PIR: variants seen among roughly 807,000 people sequenced by gnomAD.
The protein encoded by PIR is pirin (iron-binding nuclear protein).
A neutral mutation model predicts 24.2 loss-of-function variants in PIR; 22 were observed. The observed-to-expected ratio is 0.91, with a 90% CI of 0.65 to 1.30. PIR has a LOEUF of 1.30. Among genes scored for constraint, PIR ranks in the 50% most tolerant of loss-of-function variants. The pLI is 0.00. For missense variants in PIR, 220 were observed against 220.3 expected (o/e 1.00, Z 0.01); for synonymous variants, 80 against 79.6 (o/e 1.00, Z -0.03).
intron 3 of PIR, among the ~76,000 whole-genome samples, chrX:15,467,408 T>C (rs1921657780): frequency 8.9e-6 from 1 of 112,523 alleles, no homozygotes; most frequent in Admixed American, 9.4e-5. Context: ...CCATGACAAT[T>C]GCAATAGGAG....
chrX:15,470,600 CTTT>C (rs1185040119), intron 3 of PIR, among the ~76,000 whole-genome samples: 1 of 45,073 alleles, frequency 2.2e-5, no homozygotes. Flanking sequence ...TTCTTTCTTT[CTTT>C]TTTTTTTTTT....
chrX:15,470,298 A>T (rs990620149), intron 3 of PIR, among the ~76,000 whole-genome samples: 4 of 111,837 alleles, frequency 3.6e-5, no homozygotes, highest in Non-Finnish European at 7.5e-5. Flanking sequence ...CTTCTCATAT[A>T]TCAGTAGTTA....
chrX:15,470,254 T>C lies in PIR; in HGVS notation c.189+9475A>G, dbSNP rs1465954118. 3.6e-5 allele frequency among the ~76,000 whole-genome samples: 4 copies of C among 111,599 alleles called. No individual in the cohort carries two copies. In the Admixed American group the frequency reaches 3.8e-4, roughly 11 times the overall value. On this transcript the variant is annotated intron_variant, in intron 3 of 9. Coordinates refer to ENST00000380420, the MANE Select transcript of PIR (RefSeq NM_001018109.3). ...ACAATTTTTACTTTTCAAGATTGTT[T>C]TGAGGCTTACAGGTAACGTATCAAC...
intron 5 of PIR, among the ~76,000 whole-genome samples, chrX:15,434,110 A>G (rs1173541116): frequency 1.1e-5 from 1 of 89,240 alleles, no homozygotes; most frequent in African/African-American, 4.2e-5. Flanking sequence ...GAGGAGAAAG[A>G]AGGAGGAGGA....
At chrX:15,445,167 G>A (rs1004914626) in intron 5 of PIR, among the ~76,000 whole-genome samples, 9 of 111,505 alleles carry the variant, frequency 8.1e-5, no homozygotes, top group African/African-American at 2.9e-4. Context: ...AGAGGCAGGT[G>A]ACTGAAGGCA....
chrX:15,396,804 A>G (rs1006016688), intron 8 of PIR, among the ~76,000 whole-genome samples: 19 of 108,451 alleles, frequency 1.8e-4, no homozygotes, highest in East Asian at 5.8e-4. Flanking sequence ...GCAGTGGCGC[A>G]ATCTCGGCTC....
intron 7 of PIR, among the ~76,000 whole-genome samples, chrX:15,404,193 G>T (rs1170777767): frequency 9.1e-6 from 1 of 110,098 alleles, no homozygotes; most frequent in African/African-American, 3.3e-5. Context: ...GGAGACAGGG[G>T]TTTCACCATG....
chrX:15,394,392 A>C (rs1170253904), intron 8 of PIR, among the ~76,000 whole-genome samples: 1 of 112,163 alleles, frequency 8.9e-6, no homozygotes, highest in African/African-American at 3.2e-5. Flanking sequence ...ATATAGTCAA[A>C]TGTTAATCTT....
chrX:15,464,061 G>A (rs1222178056), intron 3 of PIR, among the ~76,000 whole-genome samples: 1 of 112,299 alleles, frequency 8.9e-6, no homozygotes, highest in Non-Finnish European at 1.9e-5. Flanking sequence ...AGAATACTGT[G>A]CAACCGTTAA....
intron 7 of PIR, among the ~76,000 whole-genome samples, chrX:15,402,685 CCAGCCT>C (rs1924428136): frequency 9.1e-6 from 1 of 110,150 alleles, no homozygotes; most frequent in African/African-American, 3.3e-5. Flanking sequence ...ACTACCATTC[CCAGCCT>C]CATGAACTCA....
At chrX:15,423,512 A>C (rs1925205309) in intron 6 of PIR, among the ~76,000 whole-genome samples, 2 of 111,067 alleles carry the variant, frequency 1.8e-5, no homozygotes, top group African/African-American at 6.6e-5. Context: ...GGTACTTGGA[A>C]AGCTGAGGCA....
At chrX:15,491,490 T>G (rs950493421) in intron 1 of PIR, among the ~76,000 whole-genome samples, 181 bp from the exon 2 acceptor site, 2 of 112,000 alleles carry the variant, frequency 1.8e-5, no homozygotes, top group African/African-American at 6.5e-5. Context: ...TGAACATGTA[T>G]GCATACCTAC....
intron 9 of PIR, among the ~76,000 whole-genome samples, chrX:15,389,408 T>C (rs760096437): frequency 6.2e-5 from 7 of 112,119 alleles, no homozygotes; most frequent in Non-Finnish European, 1.3e-4. Flanking sequence ...TTTAAATTCA[T>C]GAGCAGCTGG....
chrX:15,450,722 G>T (rs1458246245), intron 5 of PIR, among the ~76,000 whole-genome samples: 1 of 111,836 alleles, frequency 8.9e-6, no homozygotes, highest in Admixed American at 9.5e-5. Context: ...TATTCTGATT[G>T]CCCAAAACCC....
intron 2 of PIR, among the ~76,000 whole-genome samples, chrX:15,488,900 A>C (rs894429343): frequency 1.8e-5 from 2 of 110,622 alleles, no homozygotes; most frequent in African/African-American, 6.7e-5. Context: ...AACCTCTACT[A>C]ATTTTTTTGT....
chrX:15,427,148 C>T (rs1472383537), intron 5 of PIR, among the ~76,000 whole-genome samples: 3 of 111,273 alleles, frequency 2.7e-5, no homozygotes, highest in Non-Finnish European at 5.7e-5. Context: ...TCCATTTCTA[C>T]AAAGTTCAAA....
At chrX:15,491,442 G>A (rs1040834165) in intron 1 of PIR, 133 bp from the exon 2 acceptor site, 54 of 369,990 alleles carry the variant, frequency 1.5e-4, no homozygotes, top group Non-Finnish European at 2.2e-4. Flanking sequence ...CTATGTGCAG[G>A]GCCTGGGTTA....
intron 7 of PIR, among the ~76,000 whole-genome samples, chrX:15,398,945 T>C (rs1167431072): frequency 9.0e-6 from 1 of 111,702 alleles, no homozygotes; most frequent in African/African-American, 3.3e-5. Context: ...GAGAAAATTC[T>C]AACATGATTC....
At chrX:15,476,525 T>C (rs1169132549) in intron 3 of PIR, among the ~76,000 whole-genome samples, 1 of 111,279 alleles carries the variant, frequency 9.0e-6, no homozygotes, top group African/African-American at 3.3e-5. Context: ...ATTCAAAAGT[T>C]TACCTCTGAA....
Sources: allele counts gnomAD v4.1 joint callset (sites outside exome capture counted in the v4.1 genomes callset), GRCh38; gene constraint gnomAD v4.1.1; transcripts MANE v1.5; gene names NCBI Gene and HGNC (gene_info 2026-07-23, HGNC 2026-07-21).